CSTF2: variants seen among roughly 807,000 people sequenced by gnomAD.
CSTF2 encodes the protein cleavage stimulation factor subunit 2, also known as CF-1 64 kDa subunit.
CSTF2 carries 8 observed loss-of-function variants against 45.4 expected under a neutral mutation model. That is an observed-to-expected ratio of 0.18 (90% confidence interval 0.10 to 0.32). The LOEUF (loss-of-function observed/expected upper bound fraction) is 0.32. Ranked by LOEUF, CSTF2 falls within the 10% of genes least tolerant of loss-of-function variation. The pLI, the probability that CSTF2 is intolerant of heterozygous loss-of-function variation, is 1.00. For synonymous variants in CSTF2, 155 were observed against 158.9 expected, an observed-to-expected ratio of 0.98 and a Z score of 0.18; for missense variants, 253 against 477.1, an observed-to-expected ratio of 0.53 and a Z score of 4.38.
rs1295414610 is a variant in CSTF2, at chrX:100,831,518, C to T, written c.893C>T (p.Pro298Leu). Residue 298 changes from proline (P) to leucine (L), a missense_variant, in exon 9 of 14, where the codon CCG (proline) becomes CTG (leucine). Physicochemically the swap from Pro to Leu is moderately conservative, Grantham distance 98. This residue lies in a region of CSTF2 where 200 missense variants were observed against 294.0 expected (regional missense o/e 0.68). Transcript: ENST00000372972. ...GPVSMERGQV[P>L]MQDPRAAMQR... ...TCCCCGTTTGTTTCCCTGTCAGTGC[C>T]GATGCAAGACCCCAGAGCAGCTATG... is the stretch of plus-strand genomic sequence containing the variant. 8.3e-7 allele frequency: 1 copy of T among 1,211,308 alleles called. No individual in the cohort carries two copies. Among genetic ancestry groups the T allele is most frequent in the East Asian group, 3.0e-5 (1 of 33,820 alleles).
intron 11 of CSTF2, 80 bp downstream of exon 11, chrX:100,833,552 G>A (rs897598143): frequency 1.1e-5 from 11 of 965,639 alleles, no homozygotes; most frequent in Non-Finnish European, 1.6e-5. Context: ...AATTATTACT[G>A]CCTTCTGACT....
At chrX:100,821,875 C>T (rs1303007776) in intron 2 of CSTF2, among the ~76,000 whole-genome samples, 2 of 111,767 alleles carry the variant, frequency 1.8e-5, no homozygotes, top group Non-Finnish European at 3.8e-5. Context: ...AGGCGGATCA[C>T]CTGGGGTCAG....
intron 13 of CSTF2, among the ~76,000 whole-genome samples, chrX:100,839,543 A>T (rs905476867): frequency 9.0e-6 from 1 of 111,727 alleles, no homozygotes. Flanking sequence ...CTTACAAAAT[A>T]TATCATTTTA....
chrX:100,824,489 CTT>C (rs1399291588), intron 6 of CSTF2, among the ~76,000 whole-genome samples: 1 of 111,865 alleles, frequency 8.9e-6, no homozygotes, highest in African/African-American at 3.2e-5. Context: ...TATAAGCTAA[CTT>C]TGTGTGTATG....
rs990130586 is a variant in CSTF2, at chrX:100,830,772, C to T, written c.890-743C>T. 4 of 1,081,572 alleles carry T rather than the reference C, an allele frequency of 3.7e-6. No homozygotes were observed. The African/African-American group carries it at 7.4e-5, about 20-fold the overall frequency. The allele number at this position is 1,081,572 out of a possible 1,213,427, so 89.1% of individuals were successfully genotyped here. On this transcript the variant is annotated intron_variant, in intron 8 of 13. Transcript: ENST00000372972. ...TGTGTATGCAAGCTATTTTAAGTGT[C>T]TGCTCTTTCTCCTTTTGAACTTACT...
chrX:100,840,092 G>A (rs1253709580), intron 13 of CSTF2, among the ~76,000 whole-genome samples: 1 of 111,838 alleles, frequency 8.9e-6, no homozygotes, highest in Non-Finnish European at 1.9e-5. Flanking sequence ...TGCAAACTCA[G>A]TTTTCACCAT....
At position 100,840,782 on chromosome X, in the gene CSTF2, CCT is replaced by C. The variant is rs1268418759; in HGVS notation, c.*73_*74del. On this transcript the variant is annotated 3_prime_UTR_variant, in exon 14 of 14. Transcript: ENST00000372972. ...TTGTTGAAATATTGAAAAAAGATGA[CCT>C]GCATCCTAACCCTTGAATGACTCAA... The C allele has an allele frequency of 8.9e-6, 1 of 111,914 alleles. No homozygotes were observed. The highest frequency in any genetic ancestry group is 1.9e-5 in the Non-Finnish European group (1 of 53,225). 9.2% of individuals were successfully genotyped at this position (111,914 alleles called of 1,213,427 possible).
In CSTF2 at chrX:100,833,385, G is replaced by A. The variant is rs150880869; in HGVS notation, c.1413G>A (p.Val471=). 48 of 1,207,370 alleles carry A rather than the reference G, an allele frequency of 4.0e-5. No homozygotes were observed. The African/African-American group carries it at 6.3e-4, about 16-fold the overall frequency. Residue 471 remains valine (V), a synonymous_variant, in exon 11 of 14, where the codon GTG becomes GTA. Transcript: ENST00000372972. ...GAGGCATGGATACCAGAGGCCCAGT[G>A]CCTGGCCCCAGAGGACCTATACCTA... ...EARGMDTRGP[V]PGPRGPIPSG... is the part of the protein sequence containing the mutation.
At chrX:100,825,479 T>C (rs2084939201) in intron 6 of CSTF2, among the ~76,000 whole-genome samples, 1 of 111,991 alleles carries the variant, frequency 8.9e-6, no homozygotes, top group Admixed American at 9.5e-5. Context: ...CATTTATATA[T>C]GTAATGTTAT....
At chrX:100,823,803 A>G (rs1224257109) in intron 4 of CSTF2, 83 bp from the exon 5 acceptor site, 3 of 1,039,601 alleles carry the variant, frequency 2.9e-6, no homozygotes, top group Non-Finnish European at 3.9e-6. Context: ...CTTGAATATT[A>G]CATTTCTCAG....
intron 11 of CSTF2, among the ~76,000 whole-genome samples, chrX:100,836,870 C>T (rs918057034): frequency 8.9e-6 from 1 of 112,195 alleles, no homozygotes; most frequent in Non-Finnish European, 1.9e-5. Flanking sequence ...ACATCTCTGC[C>T]TCACTTGTGG....
chrX:100,832,951 T>G, intron 10 of CSTF2, 42 bp downstream of exon 10: 1 of 1,121,951 alleles, frequency 8.9e-7, no homozygotes, highest in Non-Finnish European at 1.2e-6. Flanking sequence ...TGAACTCAAC[T>G]GTCTTAGGCT....
At chrX:100,822,688 G>T in intron 3 of CSTF2, 1 of 373,927 alleles carries the variant, frequency 2.7e-6, no homozygotes, top group Non-Finnish European at 4.9e-6. Flanking sequence ...TTTCAAAACT[G>T]TTCTGGCAAG....
Position 100,831,570 on chromosome X carries a change from C to T in CSTF2, c.945C>T (p.Val315=). The change falls in exon 9 of 14, where the codon GTC becomes GTT. Residue 315 remains valine (V), a synonymous_variant. Coordinates refer to ENST00000372972, the MANE Select transcript of CSTF2 (RefSeq NM_001325.3). ...AMQRGSLPAN[V]PTPRGLLGDA... is the part of the protein sequence containing the mutation. Reference sequence around the variant, plus strand: ...AGCGGGGATCCTTGCCTGCGAATGTCCCAACCCCTCGAGGCTTGTTAGGAG... The same window carrying T: ...AGCGGGGATCCTTGCCTGCGAATGTTCCAACCCCTCGAGGCTTGTTAGGAG... 1 of 1,211,260 alleles carries T rather than the reference C, an allele frequency of 8.3e-7. No individual in the cohort carries two copies. The highest frequency in any genetic ancestry group is 1.1e-6 in the Non-Finnish European group (1 of 895,088).
chrX:100,833,518 A>G, intron 11 of CSTF2, 46 bp downstream of exon 11: 1 of 1,112,462 alleles, frequency 9.0e-7, no homozygotes, highest in East Asian at 3.1e-5. Flanking sequence ...ATCTTGATCT[A>G]TTCAGGAATT....
At position 100,825,476 on chromosome X, in the gene CSTF2, A is replaced by G. The variant is rs781081286; in HGVS notation, c.703-1158A>G. Among the ~76,000 whole-genome samples the G allele has an allele frequency of 8.0e-5, 9 of 112,186 alleles. No homozygotes were observed. The East Asian group carries it at 2.5e-3, about 31-fold the overall frequency. Reference sequence around the variant, plus strand: ...GATAATGTAATAAATTATCATTTATATATGTAATGTTATAAGATAATGTAA... The same window carrying G: ...GATAATGTAATAAATTATCATTTATGTATGTAATGTTATAAGATAATGTAA... On this transcript the variant is annotated intron_variant, in intron 6 of 13. Coordinates refer to ENST00000372972, the MANE Select transcript of CSTF2 (RefSeq NM_001325.3).
chrX:100,828,903 G>A (rs2084959062), intron 8 of CSTF2, among the ~76,000 whole-genome samples: 1 of 112,106 alleles, frequency 8.9e-6, no homozygotes, highest in South Asian at 3.7e-4. Flanking sequence ...CTTTCTCAAG[G>A]GGACAAGGTA....
intron 9 of CSTF2, among the ~76,000 whole-genome samples, chrX:100,831,878 A>G (rs1476624641): frequency 8.9e-6 from 1 of 112,340 alleles, no homozygotes; most frequent in Non-Finnish European, 1.9e-5. Context: ...AAATTTTAGT[A>G]TACATACTTG....
At position 100,839,960 on chromosome X, in the gene CSTF2, AT is replaced by A. The variant is rs760881879; in HGVS notation, c.*4-749del. On this transcript the variant is annotated intron_variant, in intron 13 of 13. Transcript: ENST00000372972. ...GTTTTTGTCTATTTTTTTACCTTTT[AT>A]TTTTAAATAATCATAGACTCAAGGA... Among the ~76,000 whole-genome samples the A allele has an allele frequency of 2.7e-5, 3 of 111,437 alleles. No homozygotes were observed. The East Asian group carries it at 8.4e-4, about 31-fold the overall frequency.
Sources: allele counts gnomAD v4.1 joint callset (sites outside exome capture counted in the v4.1 genomes callset), GRCh38; gene constraint gnomAD v4.1.1; regional missense constraint gnomAD v4.1.1; transcripts MANE v1.5; gene names NCBI Gene and HGNC (gene_info 2026-07-23, HGNC 2026-07-21).